Variants in LMAN2 observed in about 807,000 individuals in gnomAD.
LMAN2 encodes the protein vesicular integral-membrane protein VIP36.
LMAN2 carries 22 observed loss-of-function variants against 39.3 expected under a neutral mutation model. The ratio of observed to expected loss-of-function variants is 0.56; its 90% confidence interval spans 0.40 to 0.80. LMAN2 has a LOEUF of 0.80. LMAN2 is among the 30% of genes least tolerant of loss of function. The pLI is 0.00. For missense variants in LMAN2, 494 were observed against 505.4 expected (o/e 0.98, Z 0.22); for synonymous variants, 207 against 207.8 (o/e 1.00, Z 0.03).
intron 2 of LMAN2, chr5:177,346,476 AAAGC>A (rs969505572): frequency 4.0e-6 from 1 of 251,310 alleles, no homozygotes; most frequent in Non-Finnish European, 7.4e-6. Context: ...TTTTTTAAAA[AAAGC>A]AAGCTTCTAT....
intron 2 of LMAN2, among the ~76,000 whole-genome samples, chr5:177,341,071 T>C (rs1188026547): frequency 1.4e-5 from 2 of 144,990 alleles, no homozygotes; most frequent in South Asian, 2.2e-4. Flanking sequence ...TTTCTTTTTT[T>C]TTTTTTTTTT....
rs1037024270 is a variant in LMAN2, at chr5:177,346,253, C to G, written c.315+4920G>C. 4 of 227,284 alleles carry G rather than the reference C, an allele frequency of 1.8e-5. 1 individual carries two copies. The highest frequency in any genetic ancestry group is 2.0e-4 in the South Asian group (2 of 10,130). The allele number at this position is 227,284 out of a possible 1,614,324, so 14.1% of individuals were successfully genotyped here. ...CCAGCTGGAACGCCTATCAAGGCTT[C>G]GAGAATCACCACAAGAAAAACTCCT... On this transcript the variant is annotated intron_variant, in intron 2 of 7. Transcript: ENST00000303127.
In LMAN2 at chr5:177,337,174, T is replaced by C. The variant is rs756313802; in HGVS notation, c.752A>G (p.Tyr251Cys). The C allele has an allele frequency of 8.7e-6, 14 of 1,613,776 alleles. No homozygotes were observed. Among genetic ancestry groups the C allele is most frequent in the African/African-American group, 4.0e-5 (3 of 74,944 alleles). ...DITGVRLPTGYYFGASAGTGD... is the reference protein window; with the variant it reads ...DITGVRLPTGCYFGASAGTGD... ...GGTGCCGGCGGAGGCCCCGAAGTAG[T>C]AGCCGGTGGGCAGGCGCACTCCCGT... The change falls in exon 6 of 8, where the codon TAC becomes TGC. Residue 251 changes from tyrosine (Y) to cysteine (C), a missense_variant. By Grantham distance (194) the Tyr-to-Cys change is radical. Coordinates refer to ENST00000303127, the MANE Select transcript of LMAN2 (RefSeq NM_006816.3). The surrounding 1 kb of genome is among the most constrained non-coding windows in gnomAD (Gnocchi z 8.2).
At chr5:177,340,896 A>T (rs1761541537) in intron 2 of LMAN2, among the ~76,000 whole-genome samples, 1 of 151,400 alleles carries the variant, frequency 6.6e-6, no homozygotes, top group African/African-American at 2.4e-5. Context: ...TTGGGACTAC[A>T]GGCGCCCGCC....
chr5:177,346,343 A>C (rs1461086831), intron 2 of LMAN2: 3 of 488,102 alleles, frequency 6.1e-6, no homozygotes, highest in Non-Finnish European at 9.6e-6. Context: ...ACTGACCTCC[A>C]CAGTCCTTCT....
intron 6 of LMAN2, 153 bp downstream of exon 6, chr5:177,336,983 C>A (rs1404398037): frequency 1.6e-6 from 1 of 634,334 alleles, no homozygotes; most frequent in Non-Finnish European, 2.8e-6. Context: ...GGAACTGAGG[C>A]CCGGACAGGC....
intron 2 of LMAN2, among the ~76,000 whole-genome samples, chr5:177,344,281 C>CTTT (rs59101629): frequency 1.7e-4 from 14 of 82,320 alleles, no homozygotes; most frequent in South Asian, 3.8e-4. Context: ...CGCTTTGTTA[C>CTTT]TTTTTTTTTT....
At position 177,338,534 on chromosome 5, in the gene LMAN2, A is replaced by T; in HGVS notation, c.387T>A (p.His129Gln). 1 of 1,614,220 alleles carries T rather than the reference A, an allele frequency of 6.2e-7. No individual in the cohort carries two copies. Among genetic ancestry groups the T allele is most frequent in the Non-Finnish European group, 8.5e-7 (1 of 1,180,022 alleles). The change falls in exon 3 of 8, where the codon CAT (histidine) becomes CAA (glutamine). Residue 129 changes from histidine (H) to glutamine (Q), a missense_variant. Physicochemically the swap from His to Gln is conservative, Grantham distance 24. Transcript: ENST00000303127. ...KVHGTGKKNLHGDGIALWYTR... is the reference protein window; with the variant it reads ...KVHGTGKKNLQGDGIALWYTR... The stretch of plus-strand genomic sequence containing the variant: ...TGTACCACAAGGCGATGCCGTCTCC[A>T]TGGAGGTTCTTCTTCCCTGTGCCGT...
In LMAN2 at chr5:177,337,460, TC is replaced by T; in HGVS notation, c.577del (p.Asp193MetfsTer32). ...NGSLSYDHSKDGRWTELAGCT... is the reference protein window; with the variant it reads ...NGSLSYDHSKXGRWTELAGCT... ...GCCCGCCAGCTCGGTCCAGCGCCCA[TC>T]CTTGCTGTGGTCGTAGGACAGGGAG... On this transcript the variant is annotated frameshift_variant, in exon 5 of 8. Coordinates refer to ENST00000303127, the MANE Select transcript of LMAN2 (RefSeq NM_006816.3). LOFTEE classifies it high-confidence loss of function. This position sits in a 1 kb window ranked among gnomAD's most constrained non-coding sequence, Gnocchi z 8.2. 1 of 1,613,980 alleles carries T rather than the reference TC, an allele frequency of 6.2e-7. No homozygotes were observed. Among genetic ancestry groups the T allele is most frequent in the Non-Finnish European group, 8.5e-7 (1 of 1,180,000 alleles).
rs952145291 is a variant in LMAN2 at position 177,341,443 on chromosome 5, C to T, written c.316-2838G>A. Among the ~76,000 whole-genome samples, 5 of 152,178 alleles carry T rather than the reference C, an allele frequency of 3.3e-5. No individual in the cohort carries two copies. The South Asian group carries it at 1.0e-3, about 32-fold the overall frequency. The stretch of plus-strand genomic sequence containing the variant: ...TGACTCTCACAGGAGCAATAATCAG[C>T]CTGACACCCGGCTTCACGGCGGGAA... On this transcript the variant is annotated intron_variant, in intron 2 of 7. Transcript: ENST00000303127.
rs771249693 is a variant in LMAN2, at chr5:177,332,236, G to T, written c.921C>A (p.Asp307Glu). The T allele has an allele frequency of 6.2e-7, 1 of 1,612,360 alleles. No individual in the cohort carries two copies. The highest frequency in any genetic ancestry group is 8.5e-7 in the Non-Finnish European group (1 of 1,179,592). Residue 307 changes from aspartate (D) to glutamate (E), a missense_variant, in exon 8 of 8, where the codon GAC becomes GAA. Physicochemically the swap from Asp to Glu is conservative, Grantham distance 45. Coordinates refer to ENST00000303127, the MANE Select transcript of LMAN2 (RefSeq NM_006816.3). This position sits in a 1 kb window ranked among gnomAD's most constrained non-coding sequence, Gnocchi z 6.3. ...NFLKSPKDNV[D>E]DPTGNFRSGP... Reference sequence around the variant, plus strand: ...CGCTGCGGAAGTTCCCCGTGGGGTCGTCCACGTTGTCTGGGGGAGAAGAAA... The same window carrying T: ...CGCTGCGGAAGTTCCCCGTGGGGTCTTCCACGTTGTCTGGGGGAGAAGAAA...
At chr5:177,336,516 G>A (rs1433997153) in intron 6 of LMAN2, among the ~76,000 whole-genome samples, 1 of 152,216 alleles carries the variant, frequency 6.6e-6, no homozygotes, top group African/African-American at 2.4e-5. Context: ...GTGGCCTGAA[G>A]CCGCCAGGTA....
chr5:177,351,142 C>T, intron 2 of LMAN2, 31 bp downstream of exon 2: 5 of 1,601,428 alleles, frequency 3.1e-6, no homozygotes, highest in Non-Finnish European at 3.4e-6. Flanking sequence ...GCCAACCGCA[C>T]AGTACGCCTA....
intron 2 of LMAN2, among the ~76,000 whole-genome samples, chr5:177,343,237 G>GA: frequency 6.6e-6 from 1 of 152,304 alleles, no homozygotes; most frequent in South Asian, 2.1e-4. Context: ...CCTGGCGACA[G>GA]GGCGAGACTT....
At chr5:177,340,902 C>G (rs1209912478) in intron 2 of LMAN2, among the ~76,000 whole-genome samples, 1 of 150,392 alleles carries the variant, frequency 6.6e-6, no homozygotes, top group Non-Finnish European at 1.5e-5. Context: ...CTACAGGCGC[C>G]CGCCACCACA....
At chr5:177,348,883 C>CAAAAA (rs11314255) in intron 2 of LMAN2, among the ~76,000 whole-genome samples, 1 of 83,314 alleles carries the variant, frequency 1.2e-5, no homozygotes, top group African/African-American at 4.3e-5. Flanking sequence ...GACTCCGTCT[C>CAAAAA]AAAAAAAAAA....
intron 2 of LMAN2, among the ~76,000 whole-genome samples, chr5:177,345,581 C>A (rs1262568651): frequency 6.6e-6 from 1 of 151,822 alleles, no homozygotes; most frequent in Non-Finnish European, 1.5e-5. Flanking sequence ...ATGTATCATG[C>A]AAACACTAAC....
At chr5:177,351,092 G>T in intron 2 of LMAN2, 81 bp downstream of exon 2, 1 of 1,249,850 alleles carries the variant, frequency 8.0e-7, no homozygotes. Flanking sequence ...ACCTATAAAC[G>T]AAGCTGGGGT....
chr5:177,335,527 T>A (rs1377334948), intron 6 of LMAN2, among the ~76,000 whole-genome samples: 2 of 152,114 alleles, frequency 1.3e-5, no homozygotes, highest in African/African-American at 4.8e-5. Context: ...GCCACAGCAC[T>A]GGTGCTGCTC....
Sources: allele counts gnomAD v4.1 joint callset (sites outside exome capture counted in the v4.1 genomes callset), GRCh38; gene constraint gnomAD v4.1.1; non-coding constraint Gnocchi (gnomAD v3.1); transcripts MANE v1.5; gene names NCBI Gene and HGNC (gene_info 2026-07-23, HGNC 2026-07-21).